CSMD3: variants seen among roughly 807,000 people sequenced by gnomAD.
CSMD3 encodes the protein CUB and Sushi multiple domains 3.
Under a neutral mutation model 435.2 loss-of-function variants are expected in CSMD3, and 177 were observed. The observed-to-expected ratio is 0.41, with a 90% CI of 0.36 to 0.46. CSMD3 has a LOEUF of 0.46. Ranked by LOEUF, CSMD3 falls within the 20% of genes least tolerant of loss-of-function variation. The pLI is 0.34. For synonymous variants in CSMD3, 1,656 were observed against 1,520.5 expected (o/e 1.09, Z -2.07); for missense variants, 4,265 against 4,504.6 (o/e 0.95, Z 1.52).
intron 22 of CSMD3, among the ~76,000 whole-genome samples, chr8:112,599,219 G>C (rs1463718384): frequency 1.3e-5 from 2 of 149,292 alleles, no homozygotes; most frequent in South Asian, 2.1e-4. Context: ...GACATGAACA[G>C]ACACTTCTCA....
intron 13 of CSMD3, among the ~76,000 whole-genome samples, chr8:112,762,298 AT>A (rs1225124935): frequency 6.6e-6 from 1 of 151,886 alleles, no homozygotes; most frequent in Non-Finnish European, 1.5e-5. Context: ...TTTACTTTTC[AT>A]TGTACATGTA....
At chr8:112,908,408 T>C (rs1333874795) in intron 10 of CSMD3, among the ~76,000 whole-genome samples, 1 of 151,522 alleles carries the variant, frequency 6.6e-6, no homozygotes, top group Non-Finnish European at 1.5e-5. Context: ...GTGGCTTATA[T>C]CTTTATAACT....
intron 17 of CSMD3, among the ~76,000 whole-genome samples, chr8:112,659,228 TA>T (rs1443157402): frequency 6.6e-6 from 1 of 152,162 alleles, no homozygotes; most frequent in African/African-American, 2.4e-5. Flanking sequence ...TGAGGAACTA[TA>T]AAAATACATT....
chr8:112,805,665 C>T (rs1305631767), intron 12 of CSMD3, among the ~76,000 whole-genome samples: 1 of 152,180 alleles, frequency 6.6e-6, no homozygotes, highest in African/African-American at 2.4e-5. Context: ...TAGTACTTTG[C>T]TACCATCCTC....
intron 4 of CSMD3, among the ~76,000 whole-genome samples, chr8:113,127,932 T>C (rs1008247479): frequency 1.3e-5 from 2 of 152,094 alleles, no homozygotes; most frequent in Non-Finnish European, 2.9e-5. Context: ...GGTCAAACTT[T>C]AAGTCATTGC....
At chr8:113,193,106 CTGAGT>C (rs2092608481) in intron 3 of CSMD3, among the ~76,000 whole-genome samples, 1 of 151,154 alleles carries the variant, frequency 6.6e-6, no homozygotes, top group African/African-American at 2.4e-5. Context: ...CTGCAGCTTT[CTGAGT>C]TAAGTAGTGA....
At chr8:113,307,619 GC>G (rs2093831683) in intron 2 of CSMD3, among the ~76,000 whole-genome samples, 3 of 152,230 alleles carry the variant, frequency 2.0e-5, no homozygotes, top group Admixed American at 6.5e-5. Flanking sequence ...TAATTGCAAT[GC>G]ATGTATTTGT....
At chr8:112,913,792 C>G (rs1034386551) in intron 10 of CSMD3, among the ~76,000 whole-genome samples, 9 of 151,204 alleles carry the variant, frequency 6.0e-5, no homozygotes, top group Non-Finnish European at 1.3e-4. Flanking sequence ...ATCTCTATGT[C>G]TGTCTTTCTT....
chr8:112,437,645 T>G (rs2130466372), intron 32 of CSMD3, among the ~76,000 whole-genome samples: 1 of 152,076 alleles, frequency 6.6e-6, no homozygotes, highest in East Asian at 1.9e-4. Context: ...TATTGAAAGC[T>G]TTTCTTTTAT....
intron 19 of CSMD3, among the ~76,000 whole-genome samples, chr8:112,648,055 T>A (rs2131623681): frequency 6.6e-6 from 1 of 152,312 alleles, no homozygotes; most frequent in South Asian, 2.1e-4. Context: ...AAAGCTGATG[T>A]ATGTTAGAGT....
chr8:113,233,963 G>A (rs1291795484), intron 3 of CSMD3, among the ~76,000 whole-genome samples: 1 of 152,002 alleles, frequency 6.6e-6, no homozygotes, highest in Non-Finnish European at 1.5e-5. Context: ...ACATACAGTA[G>A]GTTCTATTAC....
chr8:112,994,994 T>C (rs1410023602), intron 6 of CSMD3, among the ~76,000 whole-genome samples: 1 of 151,500 alleles, frequency 6.6e-6, no homozygotes, highest in East Asian at 1.9e-4. Context: ...ATAATAAATA[T>C]TTTTCTTATA....
At chr8:113,276,624 T>TTTTA (rs2093572802) in intron 3 of CSMD3, among the ~76,000 whole-genome samples, 1 of 151,986 alleles carries the variant, frequency 6.6e-6, no homozygotes, top group African/African-American at 2.4e-5. Flanking sequence ...CCACTGAAAT[T>TTTTA]TTTATTTTAG....
At chr8:112,545,931 G>A (rs749333359) in intron 27 of CSMD3, among the ~76,000 whole-genome samples, 5 of 152,132 alleles carry the variant, frequency 3.3e-5, no homozygotes, top group Non-Finnish European at 7.3e-5. Context: ...TAGTAAACCA[G>A]GGAAGAGCAG....
At chr8:112,241,155 T>C (rs1814095099) in intron 66 of CSMD3, among the ~76,000 whole-genome samples, 1 of 151,972 alleles carries the variant, frequency 6.6e-6, no homozygotes, top group African/African-American at 2.4e-5. Context: ...TTCTTTTGGA[T>C]AGAAAAAGAT....
intron 59 of CSMD3, among the ~76,000 whole-genome samples, chr8:112,266,013 T>TTCTGCAGTGTCAC (rs1226798280): frequency 2.6e-5 from 4 of 152,150 alleles, no homozygotes; most frequent in African/African-American, 9.7e-5. Context: ...AGAGCATATT[T>TTCTGCAGTGTCAC]TCTGCAGTGT....
At chr8:113,279,671 G>A (rs1563645020) in intron 2 of CSMD3, among the ~76,000 whole-genome samples, 1 of 151,586 alleles carries the variant, frequency 6.6e-6, no homozygotes, top group Non-Finnish European at 1.5e-5. Context: ...AGAACAAAAT[G>A]TATTTTTTAA....
intron 24 of CSMD3, among the ~76,000 whole-genome samples, chr8:112,571,947 C>T (rs16883833): frequency 0.24 from 36,227 of 149,736 alleles, 4,706 homozygotes; most frequent in East Asian, 0.47. Context: ...AAAACCATTA[C>T]GTAAACATTG....
intron 13 of CSMD3, among the ~76,000 whole-genome samples, chr8:112,723,774 G>C (rs2131980312): frequency 6.6e-6 from 1 of 152,140 alleles, no homozygotes; most frequent in East Asian, 1.9e-4. Context: ...ATCCCTACAA[G>C]AGGAAACAAA....
Sources: allele counts gnomAD v4.1 joint callset (sites outside exome capture counted in the v4.1 genomes callset), GRCh38; gene constraint gnomAD v4.1.1; transcripts MANE v1.5; gene names NCBI Gene and HGNC (gene_info 2026-07-23, HGNC 2026-07-21).